Variants in ASGR1 observed in about 807,000 individuals in gnomAD.
ASGR1 encodes the protein asialoglycoprotein receptor 1.
ASGR1 carries 35 observed loss-of-function variants against 33.1 expected under a neutral mutation model. The observed-to-expected ratio is 1.06, with a 90% CI of 0.81 to 1.40. ASGR1 has a LOEUF of 1.40. Among genes scored for constraint, ASGR1 ranks in the 40% most tolerant of loss-of-function variants. The probability of loss-of-function intolerance (pLI) is 0.00; values close to 1 mark genes in which losing one functional copy is unlikely to be tolerated. For synonymous variants in ASGR1, 142 were observed against 152.5 expected (o/e 0.93, Z 0.51); for missense variants, 396 against 373.7 (o/e 1.06, Z -0.49).
At chr17:7,175,961 C>T (rs2069197035) in intron 5 of ASGR1, among the ~76,000 whole-genome samples, 1 of 145,376 alleles carries the variant, frequency 6.9e-6, no homozygotes, top group South Asian at 2.3e-4. Context: ...CACTAACACA[C>T]ATACACACGT....
rs771238304 is a variant in ASGR1, at chr17:7,174,357, C to G, written c.442+17G>C. 1 of 1,613,878 alleles carries G rather than the reference C, an allele frequency of 6.2e-7. No individual in the cohort carries two copies. On this transcript the variant is annotated intron_variant, in intron 6 of 8. Coordinates refer to ENST00000269299, the MANE Select transcript of ASGR1 (RefSeq NM_001671.5). The stretch of plus-strand genomic sequence containing the variant: ...AGAAGGGGGGAGGCAGAGAGCGGGC[C>G]GGGCTGGCCTCCTTACCATTGCCCT...
At chr17:7,175,783 T>A (rs111210290) in intron 5 of ASGR1, among the ~76,000 whole-genome samples, 2,404 of 145,100 alleles carry the variant, frequency 0.017, 79 homozygotes, top group African/African-American at 0.058. Context: ...ACACAGGCTC[T>A]CACACACACA....
chr17:7,175,246 AACAT>A (rs2069182804), intron 5 of ASGR1, among the ~76,000 whole-genome samples: 1 of 147,652 alleles, frequency 6.8e-6, no homozygotes, highest in Non-Finnish European at 1.5e-5. Flanking sequence ...AAACACCCAC[AACAT>A]ACACCCTCAC....
intron 1 of ASGR1, 130 bp from the exon 2 acceptor site, chr17:7,178,718 CT>C (rs1345777545): frequency 1.2e-5 from 6 of 481,670 alleles, no homozygotes; most frequent in East Asian, 3.4e-5. Context: ...TCTTTCTTTT[CT>C]TTTTCTTTTT....
At position 7,173,441 on chromosome 17, in the gene ASGR1, TTTC is replaced by T. The variant is rs200205820; in HGVS notation, c.*215_*217del. 3.1e-3 allele frequency: 1,771 copies of T among 567,060 alleles called. 17 individuals are homozygous for T. Among genetic ancestry groups the T allele is most frequent in the East Asian group, 0.022 (754 of 34,024 alleles). 35.1% of individuals were successfully genotyped at this position (567,060 alleles called of 1,614,324 possible). A position where few individuals can be genotyped will look rare whatever the true frequency, so the allele number is the denominator to read the frequency against. On this transcript the variant is annotated 3_prime_UTR_variant, in exon 9 of 9. Transcript: ENST00000269299. This position sits in a 1 kb window ranked among gnomAD's most constrained non-coding sequence, Gnocchi z 4.7. ...ACAACTAACAGAAGGTTTAGGTATATTTCTTTTTACTCTTAAAAAAAAAAAGTT... is the reference window on the plus strand; with the variant it reads ...ACAACTAACAGAAGGTTTAGGTATATTTTTTACTCTTAAAAAAAAAAAGTT...
chr17:7,174,549 C>A, intron 5 of ASGR1, 89 bp from the exon 6 acceptor site: 2 of 1,382,780 alleles, frequency 1.4e-6, no homozygotes, highest in South Asian at 2.6e-5. Context: ...CATCCTCCTG[C>A]TGGGACCCGA....
chr17:7,178,674 G>T, intron 1 of ASGR1, 86 bp from the exon 2 acceptor site: 1 of 752,380 alleles, frequency 1.3e-6, no homozygotes, highest in Non-Finnish European at 2.1e-6. Context: ...ACTCCCATCT[G>T]ATTGACGGCT....
Position 7,173,973 on chromosome 17 carries a change from T to TC in ASGR1, c.688dup (p.Glu230GlyfsTer98). On this transcript the variant is annotated frameshift_variant, in exon 8 of 9. Coordinates refer to ENST00000269299, the MANE Select transcript of ASGR1 (RefSeq NM_001671.5). LOFTEE classifies it low-confidence loss of function (END_TRUNC). The surrounding 1 kb of genome is among the most constrained non-coding windows in gnomAD (Gnocchi z 4.7). ...GGCGCGCACTCACTTGAAGCCCGTCTCGTAGTCCGTCCCGTCCACCCACTT... is the reference window on the plus strand; with the variant it reads ...GGCGCGCACTCACTTGAAGCCCGTCTCCGTAGTCCGTCCCGTCCACCCACTT... 6.2e-7 allele frequency: 1 copy of TC among 1,614,186 alleles called. No individual in the cohort carries two copies. Among genetic ancestry groups the TC allele is most frequent in the Non-Finnish European group, 8.5e-7 (1 of 1,179,986 alleles).
At chr17:7,176,063 C>T (rs1022123977) in intron 5 of ASGR1, among the ~76,000 whole-genome samples, 1 of 150,734 alleles carries the variant, frequency 6.6e-6, no homozygotes, top group Non-Finnish European at 1.5e-5. Context: ...GACTCACACA[C>T]CCATCCACTC....
At chr17:7,178,411 A>C in intron 2 of ASGR1, 83 bp downstream of exon 2, 2 of 1,404,128 alleles carry the variant, frequency 1.4e-6, no homozygotes, top group South Asian at 2.3e-5. Context: ...AGCCAGGCTC[A>C]CGGGCAAGAG....
At position 7,173,606 on chromosome 17, in the gene ASGR1, G is replaced by T; in HGVS notation, c.*53C>A. On this transcript the variant is annotated 3_prime_UTR_variant, in exon 9 of 9. Transcript: ENST00000269299. This position sits in a 1 kb window ranked among gnomAD's most constrained non-coding sequence, Gnocchi z 4.7. ...GAAAGCAGAAGAGGCCCCCAGATGGGCGGATTCCCAATCCCGGACCCCTGC... is the reference window on the plus strand; with the variant it reads ...GAAAGCAGAAGAGGCCCCCAGATGGTCGGATTCCCAATCCCGGACCCCTGC... 1 of 1,608,164 alleles carries T rather than the reference G, an allele frequency of 6.2e-7. No individual in the cohort carries two copies. Among genetic ancestry groups the T allele is most frequent in the Non-Finnish European group, 8.5e-7 (1 of 1,178,420 alleles).
Position 7,176,236 on chromosome 17 carries a change from CAG to C in ASGR1, c.355+592_355+593del, listed in dbSNP as rs1416134575. ...ACACTCACAAACACACACACACTCA[CAG>C]ACACACACACCCCATCTCATTCTCA... is the stretch of plus-strand genomic sequence containing the variant. On this transcript the variant is annotated intron_variant, in intron 5 of 8. Coordinates refer to ENST00000269299, the MANE Select transcript of ASGR1 (RefSeq NM_001671.5). Among the ~76,000 whole-genome samples the C allele has an allele frequency of 5.6e-5, 8 of 142,836 alleles. No homozygotes were observed. The East Asian group carries it at 1.1e-3, about 19-fold the overall frequency. 93.7% of individuals were successfully genotyped at this position (142,836 alleles called of 152,430 possible).
chr17:7,175,951 CACTA>C (rs1390110467), intron 5 of ASGR1, among the ~76,000 whole-genome samples: 16 of 148,902 alleles, frequency 1.1e-4, no homozygotes, highest in South Asian at 4.3e-4. Context: ...ACGCAACACA[CACTA>C]ACACACATAC....
chr17:7,173,878 G>A lies in ASGR1; in HGVS notation c.702-45C>T. 1 of 1,607,200 alleles carries A rather than the reference G, an allele frequency of 6.2e-7. No homozygotes were observed. Among genetic ancestry groups the A allele is most frequent in the Non-Finnish European group, 8.5e-7 (1 of 1,177,076 alleles). ...TGGGCCCCAGGAGGTCGGATCCGCA[G>A]GCGGGTCGCTCCAGACTCCTCAGCC... On this transcript the variant is annotated intron_variant, in intron 8 of 8. Coordinates refer to ENST00000269299, the MANE Select transcript of ASGR1 (RefSeq NM_001671.5). This position sits in a 1 kb window ranked among gnomAD's most constrained non-coding sequence, Gnocchi z 4.7.
intron 5 of ASGR1, among the ~76,000 whole-genome samples, chr17:7,176,403 TATC>T (rs1220958019): frequency 7.3e-6 from 1 of 136,316 alleles, no homozygotes; most frequent in Non-Finnish European, 1.6e-5. Context: ...CACACCTCAT[TATC>T]ACACTCACAG....
Position 7,174,082 on chromosome 17 carries a change from G to A in ASGR1, c.595-15C>T. 1 of 1,614,194 alleles carries A rather than the reference G, an allele frequency of 6.2e-7. No individual in the cohort carries two copies. Among genetic ancestry groups the A allele is most frequent in the Non-Finnish European group, 8.5e-7 (1 of 1,179,998 alleles). The stretch of plus-strand genomic sequence containing the variant: ...TGGACAAATTTCTGAGGAGAGAGAA[G>A]GCGGGTGGTGATCTCTCCGAGGCCA... On this transcript the variant is annotated splice_polypyrimidine_tract_variant and intron_variant, in intron 7 of 8. Coordinates refer to ENST00000269299, the MANE Select transcript of ASGR1 (RefSeq NM_001671.5).
chr17:7,178,462 G>T, intron 2 of ASGR1, 32 bp downstream of exon 2: 1 of 1,606,112 alleles, frequency 6.2e-7, no homozygotes, highest in East Asian at 2.2e-5. Flanking sequence ...CCAAATTCTC[G>T]CCTTGCAGAG....
chr17:7,176,070 ACTC>A (rs1476294268), intron 5 of ASGR1, among the ~76,000 whole-genome samples: 2 of 132,444 alleles, frequency 1.5e-5, no homozygotes, highest in African/African-American at 5.9e-5. Context: ...ACACCCATCC[ACTC>A]CTTCTCATTC....
In ASGR1 at chr17:7,173,484, G is replaced by C; in HGVS notation, c.*175C>G. The C allele has an allele frequency of 1.2e-6, 1 of 831,420 alleles. No individual in the cohort carries two copies. Among genetic ancestry groups the C allele is most frequent in the Non-Finnish European group, 1.8e-6 (1 of 549,884 alleles). The allele number at this position is 831,420 out of a possible 1,614,324, so 51.5% of individuals were successfully genotyped here. A position where few individuals can be genotyped will look rare whatever the true frequency, so the allele number is the denominator to read the frequency against. On this transcript the variant is annotated 3_prime_UTR_variant, in exon 9 of 9. Coordinates refer to ENST00000269299, the MANE Select transcript of ASGR1 (RefSeq NM_001671.5). The surrounding 1 kb of genome is among the most constrained non-coding windows in gnomAD (Gnocchi z 4.7). ...AAAAAAAAGTTCACAATGATAACCTGCAAACTGCAGAAAGCGCCACGGGTT... is the reference window on the plus strand; with the variant it reads ...AAAAAAAAGTTCACAATGATAACCTCCAAACTGCAGAAAGCGCCACGGGTT...
Sources: allele counts gnomAD v4.1 joint callset (sites outside exome capture counted in the v4.1 genomes callset), GRCh38; gene constraint gnomAD v4.1.1; non-coding constraint Gnocchi (gnomAD v3.1); transcripts MANE v1.5; gene names NCBI Gene and HGNC (gene_info 2026-07-23, HGNC 2026-07-21).